Variants in LRRTM1 observed in about 807,000 individuals in gnomAD.
LRRTM1 encodes leucine-rich repeat transmembrane neuronal protein 1.
Under a neutral mutation model 37.3 loss-of-function variants are expected in LRRTM1, and 8 were observed. That is an observed-to-expected ratio of 0.21 (90% confidence interval 0.13 to 0.39). The LOEUF is 0.39. Among genes scored for constraint, LRRTM1 ranks in the 10% least tolerant of loss-of-function variants. The pLI, the probability that LRRTM1 is intolerant of heterozygous loss-of-function variation, is 1.00. For synonymous variants in LRRTM1, 326 were observed against 316.8 expected (o/e 1.03, Z -0.31); for missense variants, 557 against 691.0 (o/e 0.81, Z 2.17).
chr2:80,290,470 G>C (rs917928080), intron 2 of LRRTM1, among the ~76,000 whole-genome samples: 1 of 152,050 alleles, frequency 6.6e-6, no homozygotes, highest in Non-Finnish European at 1.5e-5. Context: ...GGTGAGGTTG[G>C]TGAGGCTCCC....
rs759019705 is a variant in LRRTM1, at chr2:80,303,763, C to A, written c.57G>T (p.Gly19=). ...AGGCCCCCAGCAGACACAAGACCACCCCCGAGGGCCTCCTCAGCAGCCAGT... is the reference window on the plus strand; with the variant it reads ...AGGCCCCCAGCAGACACAAGACCACACCCGAGGGCCTCCTCAGCAGCCAGT... The part of the protein sequence containing the change: ...CLYWLLRRPS[G]VVLCLLGACF... Residue 19 remains glycine, a synonymous_variant, in exon 2 of 2, where the codon GGG becomes GGT. Coordinates refer to ENST00000295057, the MANE Select transcript of LRRTM1 (RefSeq NM_178839.5). This position sits in a 1 kb window ranked among gnomAD's most constrained non-coding sequence, Gnocchi z 7.7. 8 of 1,571,160 alleles carry A rather than the reference C, an allele frequency of 5.1e-6. No homozygotes were observed. The South Asian group carries it at 7.2e-5, about 14-fold the overall frequency.
Position 80,302,228 on chromosome 2 carries a change from T to C in LRRTM1, c.*23A>G, listed in dbSNP as rs373219372. 1 of 1,602,170 alleles carries C rather than the reference T, an allele frequency of 6.2e-7. No homozygotes were observed. Among genetic ancestry groups the C allele is most frequent in the Admixed American group, 1.7e-5 (1 of 59,614 alleles). On this transcript the variant is annotated 3_prime_UTR_variant, in exon 2 of 2. Coordinates refer to ENST00000295057, the MANE Select transcript of LRRTM1 (RefSeq NM_178839.5). The surrounding 1 kb of genome is among the most constrained non-coding windows in gnomAD (Gnocchi z 6.4). Reference sequence around the variant, plus strand: ...CTGCCCAGGCGTATTTGGTAGCGCATGGGTTGAGAGCCACTGGGACAATCA... The same window carrying C: ...CTGCCCAGGCGTATTTGGTAGCGCACGGGTTGAGAGCCACTGGGACAATCA...
intron 2 of LRRTM1, among the ~76,000 whole-genome samples, chr2:80,296,727 A>G (rs550474056): frequency 1.3e-5 from 2 of 152,298 alleles, no homozygotes; most frequent in East Asian, 3.9e-4. Context: ...TTGACATTTT[A>G]GGTCAAATAA....
At chr2:80,299,104 A>T (rs1167127395), downstream of LRRTM1, 3 of 152,224 alleles carry the variant, frequency 2.0e-5, no homozygotes, top group Non-Finnish European at 4.4e-5. Flanking sequence ...CACAATGCCC[A>T]GGACGAGACG....
downstream of LRRTM1, among the ~76,000 whole-genome samples, chr2:80,300,949 GA>G (rs34426087): frequency 2.2e-3 from 280 of 129,922 alleles, 1 homozygote; most frequent in Middle Eastern, 7.9e-3. Flanking sequence ...TCTCAACACA[GA>G]AAAAAAAAAA....
Position 80,292,544 on chromosome 2 carries a change from G to T in LRRTM1, c.*307-3349C>A, listed in dbSNP as rs150222332. On this transcript the variant is annotated intron_variant and NMD_transcript_variant, in intron 2 of 2. Coordinates refer to the LRRTM1 transcript ENST00000417012. ...TCTTAAGGATTTTGCAGGTTGCCAG[G>T]CACCTAGCAAGTAAAATATATGATT... is the stretch of plus-strand genomic sequence containing the variant. Among the ~76,000 whole-genome samples the T allele has an allele frequency of 7.9e-5, 12 of 152,252 alleles. No homozygotes were observed. The East Asian group carries it at 1.9e-3, about 25-fold the overall frequency.
chr2:80,303,716 G>A lies in LRRTM1; in HGVS notation c.104C>T (p.Ala35Val), dbSNP rs1573650087. 4 of 1,606,898 alleles carry A rather than the reference G, an allele frequency of 2.5e-6. No individual in the cohort carries two copies. The highest frequency in any genetic ancestry group is 3.4e-6 in the Non-Finnish European group (4 of 1,176,526). ...LGACFQMLPA[A>V]PSGCPQLCRC... is the part of the protein sequence containing the mutation. ...GCACAGCTGCGGGCACCCGCTGGGG[G>A]CGGCGGGCAGCATCTGAAAGCAGGC... Residue 35 changes from alanine (A) to valine (V), a missense_variant, in exon 2 of 2, where the codon GCC becomes GTC. By Grantham distance (64) the Ala-to-Val change is moderately conservative. This residue lies in a region of LRRTM1 where 140 missense variants were observed against 138.1 expected (regional missense o/e 1.01). Transcript: ENST00000295057. This position sits in a 1 kb window ranked among gnomAD's most constrained non-coding sequence, Gnocchi z 7.7.
chr2:80,300,081 T>C (rs1308998777), downstream of LRRTM1, among the ~76,000 whole-genome samples: 1 of 152,164 alleles, frequency 6.6e-6, no homozygotes, highest in Non-Finnish European at 1.5e-5. Context: ...AGTGGTATGC[T>C]ATTTAGAAAG....
chr2:80,291,782 T>C (rs552643373), intron 2 of LRRTM1, among the ~76,000 whole-genome samples: 1 of 152,350 alleles, frequency 6.6e-6, no homozygotes, highest in South Asian at 2.1e-4. Context: ...TGTAGCTGGC[T>C]GCTAGCCTTC....
At position 80,303,526 on chromosome 2, in the gene LRRTM1, G is replaced by A; in HGVS notation, c.294C>T (p.His98=). 2 of 1,614,260 alleles carry A rather than the reference G, an allele frequency of 1.2e-6. No homozygotes were observed. The highest frequency in any genetic ancestry group is 1.7e-6 in the Non-Finnish European group (2 of 1,180,058). ...LMQLTWLYLD[H]NHICSVQGDA... Reference sequence around the variant, plus strand: ...CCCCCTGCACGGAGCAGATGTGATTGTGATCCAGATAGAGCCACGTGAGCT... The same window carrying A: ...CCCCCTGCACGGAGCAGATGTGATTATGATCCAGATAGAGCCACGTGAGCT... Residue 98 remains histidine (H), a synonymous_variant, in exon 2 of 2, where the codon CAC becomes CAT. Coordinates refer to ENST00000295057, the MANE Select transcript of LRRTM1 (RefSeq NM_178839.5). The surrounding 1 kb of genome is among the most constrained non-coding windows in gnomAD (Gnocchi z 7.7).
rs777740188 is a variant in LRRTM1 at position 80,303,636 on chromosome 2, G to T, written c.184C>A (p.His62Asn). Reference sequence around the variant, plus strand: ...AAGCCCAGCAGGCCGGACAGGTTGTGGGGCGCCTCGGTGAGGTTGAGCGCC... The same window carrying T: ...AAGCCCAGCAGGCCGGACAGGTTGTTGGGCGCCTCGGTGAGGTTGAGCGCC... ...CEALNLTEAP[H>N]NLSGLLGLSL... Residue 62 changes from histidine (H) to asparagine (N), a missense_variant, in exon 2 of 2, where the codon CAC becomes AAC. Physicochemically the swap from His to Asn is moderately conservative, Grantham distance 68. This residue lies in a region of LRRTM1 where 140 missense variants were observed against 138.1 expected (regional missense o/e 1.01). Coordinates refer to ENST00000295057, the MANE Select transcript of LRRTM1 (RefSeq NM_178839.5). This position sits in a 1 kb window ranked among gnomAD's most constrained non-coding sequence, Gnocchi z 7.7. 7 of 1,613,558 alleles carry T rather than the reference G, an allele frequency of 4.3e-6. No individual in the cohort carries two copies. In the Admixed American group the frequency reaches 1.2e-4, roughly 27 times the overall value.
chr2:80,303,695 A>G lies in LRRTM1; in HGVS notation c.125T>C (p.Leu42Pro). The change falls in exon 2 of 2, where the codon CTG becomes CCG. Residue 42 changes from leucine to proline, a missense_variant. Around this residue, in one of 5 missense-constraint regions of LRRTM1, gnomAD observed 140 missense variants for 138.1 expected, o/e 1.01. Coordinates refer to ENST00000295057, the MANE Select transcript of LRRTM1 (RefSeq NM_178839.5). The surrounding 1 kb of genome is among the most constrained non-coding windows in gnomAD (Gnocchi z 7.7). The part of the protein sequence containing the change: ...LPAAPSGCPQ[L>P]CRCEGRLLYC... The stretch of plus-strand genomic sequence containing the variant: ...CAGCAGCCGCCCCTCGCACCGGCAC[A>G]GCTGCGGGCACCCGCTGGGGGCGGC... 4.3e-6 allele frequency: 7 copies of G among 1,610,050 alleles called. No homozygotes were observed. The highest frequency in any genetic ancestry group is 5.9e-6 in the Non-Finnish European group (7 of 1,177,808).
chr2:80,292,204 C>T (rs1380508368), intron 2 of LRRTM1, among the ~76,000 whole-genome samples: 1 of 152,194 alleles, frequency 6.6e-6, no homozygotes, highest in Non-Finnish European at 1.5e-5. Context: ...ACATGCCAGA[C>T]ACCATTCTAA....
In LRRTM1 at chr2:80,303,500, T is replaced by C. The variant is rs141752316; in HGVS notation, c.320A>G (p.Asp107Gly). ...DHNHICSVQGDAFQKLRRVKE... is the reference protein window; with the variant it reads ...DHNHICSVQGGAFQKLRRVKE... ...AACTCGGCGCAGTTTCTGAAAGGCG[T>C]CCCCCTGCACGGAGCAGATGTGATT... Residue 107 changes from aspartate (D) to glycine (G), a missense_variant, in exon 2 of 2, where the codon GAC (aspartate) becomes GGC (glycine). Physicochemically the swap from Asp to Gly is moderately conservative, Grantham distance 94 (BLOSUM62 -1). Coordinates refer to ENST00000295057, the MANE Select transcript of LRRTM1 (RefSeq NM_178839.5). The surrounding 1 kb of genome is among the most constrained non-coding windows in gnomAD (Gnocchi z 7.7). The C allele has an allele frequency of 1.1e-3, 1,708 of 1,613,970 alleles. 1 individual carries two copies. The highest frequency in any genetic ancestry group is 1.5e-3 in the Admixed American group (93 of 60,016).
At chr2:80,300,958 A>T (rs1346021192), downstream of LRRTM1, among the ~76,000 whole-genome samples, 2 of 152,118 alleles carry the variant, frequency 1.3e-5, no homozygotes, top group Non-Finnish European at 2.9e-5. Context: ...AGAAAAAAAA[A>T]AAAGGGAAAG....
At chr2:80,289,273 TGG>T (rs1251969090) in intron 2 of LRRTM1, 2 of 152,162 alleles carry the variant, frequency 1.3e-5, no homozygotes, top group African/African-American at 4.8e-5. Context: ...GCATCTGTAG[TGG>T]CTAAGGGATC....
At chr2:80,298,946 C>T (rs1467073872), downstream of LRRTM1, 1 of 152,092 alleles carries the variant, frequency 6.6e-6, no homozygotes, top group African/African-American at 2.4e-5. Flanking sequence ...CTGGTCCAAC[C>T]TAAAAAACTA....
At chr2:80,296,924 G>T (rs890215669), downstream of LRRTM1, among the ~76,000 whole-genome samples, 7 of 152,158 alleles carry the variant, frequency 4.6e-5, no homozygotes, top group Admixed American at 3.9e-4. Flanking sequence ...ATAGACACAT[G>T]ATCCATTTAA....
Position 80,304,260 on chromosome 2 carries a change from G to C in LRRTM1, c.-168C>G, listed in dbSNP as rs1226233849. ...TGTGTTTCCGAGGCAGCCCCGGTCCGCGGCCGGCGGATCTGGCAGGCGCAC... is the reference window on the plus strand; with the variant it reads ...TGTGTTTCCGAGGCAGCCCCGGTCCCCGGCCGGCGGATCTGGCAGGCGCAC... On this transcript the variant is annotated 5_prime_UTR_variant, in exon 1 of 2. Transcript: ENST00000295057. 1 of 155,080 alleles carries C rather than the reference G, an allele frequency of 6.4e-6. No homozygotes were observed. The highest frequency in any genetic ancestry group is 1.4e-5 in the Non-Finnish European group (1 of 69,850). 9.6% of individuals were successfully genotyped at this position (155,080 alleles called of 1,614,324 possible).
Sources: gnomAD v4.1 joint callset for allele counts (sites outside exome capture counted in the v4.1 genomes callset) on GRCh38, gnomAD v4.1.1 for gene constraint, gnomAD v4.1.1 regional missense constraint, Gnocchi (gnomAD v3.1) non-coding constraint, MANE v1.5 for transcripts, NCBI Gene and HGNC (gene_info 2026-07-23, HGNC 2026-07-21) for gene names.